Variants in C12orf50 observed in about 807,000 individuals in gnomAD.
C12orf50 encodes uncharacterized protein C12orf50.
A neutral mutation model predicts 61.6 loss-of-function variants in C12orf50; 35 were observed. The ratio of observed to expected loss-of-function variants is 0.57; its 90% CI spans 0.43 to 0.75. The LOEUF (loss-of-function observed/expected upper bound fraction) is 0.75, where lower values mean the gene tolerates loss of function less well. Among genes scored for constraint, C12orf50 ranks in the 30% least tolerant of loss-of-function variants. The pLI is 0.00. For missense variants in C12orf50, 475 were observed against 488.5 expected (o/e 0.97, Z 0.26); for synonymous variants, 178 against 161.5 (o/e 1.10, Z -0.77).
At chr12:87,989,229 T>G in intron 8 of C12orf50, 35 bp downstream of exon 8, 1 of 1,473,398 alleles carries the variant, frequency 6.8e-7, no homozygotes, top group Non-Finnish European at 9.3e-7. Context: ...CCTAGCCAAA[T>G]TACAAATGAA....
At chr12:87,992,179 T>C (rs2136419795) in intron 7 of C12orf50, among the ~76,000 whole-genome samples, 1 of 152,306 alleles carries the variant, frequency 6.6e-6, no homozygotes, top group African/African-American at 2.4e-5. Context: ...TGAACTTTGT[T>C]TTCTCTTTTG....
chr12:87,983,121 T>C lies in C12orf50; in HGVS notation c.1201A>G (p.Ser401Gly), dbSNP rs2030599992. ...RIPFSKTYSK[S>G]EKIYPEPRRN... ...TAGTTACCTGGATATATCTTTTCAC[T>C]TTTTGAATATGTTTTTGAAAAAGGA... The change falls in exon 12 of 13, where the codon AGT (serine) becomes GGT (glycine). Residue 401 changes from serine to glycine, a missense_variant. Transcript: ENST00000298699. 1 of 1,591,164 alleles carries C rather than the reference T, an allele frequency of 6.3e-7. No individual in the cohort carries two copies. The highest frequency in any genetic ancestry group is 1.7e-5 in the Admixed American group (1 of 59,470).
chr12:87,994,560 G>T (rs1396317772), intron 7 of C12orf50, 73 bp downstream of exon 7: 4 of 1,119,170 alleles, frequency 3.6e-6, no homozygotes, highest in South Asian at 2.8e-5. Context: ...AAAATTAGTT[G>T]TAAAAGATAA....
intron 12 of C12orf50, among the ~76,000 whole-genome samples, chr12:87,980,642 G>A (rs937975327): frequency 2.6e-5 from 4 of 152,110 alleles, no homozygotes; most frequent in Non-Finnish European, 5.9e-5. Flanking sequence ...CCATCATATG[G>A]AGACAAGCAC....
rs780106077 is a variant in C12orf50, at chr12:87,996,618, A to C, written c.318T>G (p.Pro106=). The change falls in exon 5 of 13, where the codon CCT becomes CCG. Residue 106 remains proline, a synonymous_variant. Transcript: ENST00000298699. The part of the protein sequence containing the change: ...NDASSLWTKT[P]EEIEEKRAIK... The stretch of plus-strand genomic sequence containing the variant: ...TTGCTCTTTTTTCTTCAATTTCTTC[A>C]GGGGTCTTTGTCCATAAACTAGAAG... The C allele has an allele frequency of 5.0e-6, 8 of 1,609,918 alleles. No homozygotes were observed. The highest frequency in any genetic ancestry group is 6.8e-6 in the Non-Finnish European group (8 of 1,176,754).
chr12:88,020,236 C>G (rs4561284), intron 3 of C12orf50, among the ~76,000 whole-genome samples: 192 of 152,268 alleles, frequency 1.3e-3, no homozygotes, highest in Non-Finnish European at 2.2e-3. Context: ...TTAAAAGGCA[C>G]AGAGTTGCAA....
chr12:87,980,714 A>G lies in C12orf50; in HGVS notation c.1220-358T>C, dbSNP rs528542529. The stretch of plus-strand genomic sequence containing the variant: ...CTTGTGGCCTCAAGAGAAGGTCACC[A>G]ATGAGAATGACATCTCCAGTTGCCT... On this transcript the variant is annotated intron_variant, in intron 12 of 12. Coordinates refer to ENST00000298699, the MANE Select transcript of C12orf50 (RefSeq NM_152589.3). Among the ~76,000 whole-genome samples, 5 of 152,298 alleles carry G rather than the reference A, an allele frequency of 3.3e-5. No homozygotes were observed. The South Asian group carries it at 6.2e-4, about 19-fold the overall frequency.
At chr12:88,026,215 G>A (rs138660052) in intron 3 of C12orf50, among the ~76,000 whole-genome samples, 1 of 152,128 alleles carries the variant, frequency 6.6e-6, no homozygotes, top group Non-Finnish European at 1.5e-5. Context: ...ATTTAGTGAG[G>A]TCAGTAGCTG....
intron 3 of C12orf50, among the ~76,000 whole-genome samples, chr12:88,018,119 C>T (rs2032378326): frequency 6.6e-6 from 1 of 152,234 alleles, no homozygotes; most frequent in Admixed American, 6.5e-5. Context: ...CAGGGACCTT[C>T]TTGGCAGCCC....
chr12:88,018,815 G>C (rs1167117521), intron 3 of C12orf50, among the ~76,000 whole-genome samples: 1 of 152,176 alleles, frequency 6.6e-6, no homozygotes, highest in Non-Finnish European at 1.5e-5. Flanking sequence ...GACTTGCATA[G>C]GGCCTGTAGC....
At chr12:88,019,909 T>C (rs1263124269) in intron 3 of C12orf50, among the ~76,000 whole-genome samples, 3 of 151,994 alleles carry the variant, frequency 2.0e-5, no homozygotes, top group Admixed American at 2.0e-4. Context: ...AAAAAAAAAT[T>C]CCAACCAAGA....
rs747986135 is a variant in C12orf50, at chr12:87,980,341, C to T, written c.1235G>A (p.Gly412Glu). The T allele has an allele frequency of 6.2e-7, 1 of 1,609,278 alleles. No homozygotes were observed. The highest frequency in any genetic ancestry group is 1.1e-5 in the South Asian group (1 of 90,562). The part of the protein sequence containing the change: ...EKIYPEPRRN[G>E]SK ...TCTCAACCTCCAGGTTTACTTGCTC[C>T]CATTTCTTCTTGGCTCTAATAATAA... Residue 412 changes from glycine (G) to glutamate (E), a missense_variant, in exon 13 of 13, where the codon GGG becomes GAG. Physicochemically the swap from Gly to Glu is moderately conservative, Grantham distance 98 (BLOSUM62 -2). Coordinates refer to ENST00000298699, the MANE Select transcript of C12orf50 (RefSeq NM_152589.3).
intron 3 of C12orf50, among the ~76,000 whole-genome samples, chr12:88,006,492 A>C (rs1430415660): frequency 6.6e-6 from 1 of 152,180 alleles, no homozygotes; most frequent in Non-Finnish European, 1.5e-5. Flanking sequence ...CAGTCACTTA[A>C]TTCTTTTGGA....
chr12:87,996,558 T>G lies in C12orf50; in HGVS notation c.367+11A>C. 6.2e-7 allele frequency: 1 copy of G among 1,603,624 alleles called. No homozygotes were observed. Among genetic ancestry groups the G allele is most frequent in the Non-Finnish European group, 8.5e-7 (1 of 1,171,186 alleles). ...AAGTATTAGAAAATACAAAAATGTT[T>G]GATTTCTTACCAGATTTATAACACA... On this transcript the variant is annotated intron_variant, in intron 5 of 12. Coordinates refer to ENST00000298699, the MANE Select transcript of C12orf50 (RefSeq NM_152589.3).
intron 3 of C12orf50, among the ~76,000 whole-genome samples, chr12:88,024,584 A>G (rs1286874269): frequency 6.6e-6 from 1 of 152,098 alleles, no homozygotes; most frequent in East Asian, 1.9e-4. Context: ...TGATAACCCA[A>G]AGAGAGGGAC....
At chr12:87,982,798 C>CAA (rs35641230) in intron 12 of C12orf50, among the ~76,000 whole-genome samples, 33 of 113,900 alleles carry the variant, frequency 2.9e-4, no homozygotes, top group African/African-American at 9.5e-4. Flanking sequence ...CGCAGCACAG[C>CAA]AAAAAAAAAA....
chr12:88,015,243 G>A (rs2032269075), intron 3 of C12orf50, among the ~76,000 whole-genome samples: 1 of 151,992 alleles, frequency 6.6e-6, no homozygotes. Context: ...TAGTGTGTGT[G>A]TACTGACTGA....
chr12:88,005,480 T>G (rs1230442696), intron 3 of C12orf50, among the ~76,000 whole-genome samples: 6 of 152,200 alleles, frequency 3.9e-5, no homozygotes, highest in Admixed American at 2.6e-4. Context: ...TCATTGCTGG[T>G]GTAATGCCCC....
At chr12:87,993,094 A>T (rs561044949) in intron 7 of C12orf50, among the ~76,000 whole-genome samples, 1 of 152,124 alleles carries the variant, frequency 6.6e-6, no homozygotes, top group African/African-American at 2.4e-5. Context: ...GGAATTTTTT[A>T]AATATTCTTT....
Sources: allele counts gnomAD v4.1 joint callset (sites outside exome capture counted in the v4.1 genomes callset), GRCh38; gene constraint gnomAD v4.1.1; transcripts MANE v1.5; gene names NCBI Gene and HGNC (gene_info 2026-07-23, HGNC 2026-07-21).